The following KIF5B variants were observed in gnomAD, a reference collection of about 807,000 sequenced individuals.
KIF5B encodes the protein kinesin family member 5B.
A neutral mutation model predicts 132.8 loss-of-function variants in KIF5B; 49 were observed. The ratio of observed to expected loss-of-function variants is 0.37; its 90% CI spans 0.29 to 0.47. The LOEUF (loss-of-function observed/expected upper bound fraction) is 0.47, where lower values mean the gene tolerates loss of function less well. Among genes scored for constraint, KIF5B ranks in the 20% least tolerant of loss-of-function variants. The probability of loss-of-function intolerance (pLI) is 1.00; values close to 1 mark genes in which losing one functional copy is unlikely to be tolerated. For missense variants in KIF5B, 780 were observed against 1,144.0 expected (o/e 0.68, Z 4.59); for synonymous variants, 355 against 369.4 (o/e 0.96, Z 0.45).
chr10:32,055,662 G>A (rs187517992), intron 1 of KIF5B, among the ~76,000 whole-genome samples, 186 bp downstream of exon 1: 1 of 152,288 alleles, frequency 6.6e-6, no homozygotes, highest in African/African-American at 2.4e-5. Flanking sequence ...GGGTGGGGGC[G>A]ATCCAGGAAC....
chr10:32,042,419 C>A (rs1206322808), intron 2 of KIF5B, among the ~76,000 whole-genome samples: 1 of 152,186 alleles, frequency 6.6e-6, no homozygotes, highest in African/African-American at 2.4e-5. Flanking sequence ...CCCAATTCCA[C>A]AACGCACCCC....
chr10:32,044,009 T>C (rs756783965), intron 2 of KIF5B, among the ~76,000 whole-genome samples: 1 of 152,174 alleles, frequency 6.6e-6, no homozygotes, highest in Non-Finnish European at 1.5e-5. Flanking sequence ...TGTATTTAAT[T>C]GCTTTCCTGT....
chr10:32,053,757 A>C (rs1841721659), intron 1 of KIF5B, among the ~76,000 whole-genome samples: 1 of 151,974 alleles, frequency 6.6e-6, no homozygotes, highest in Non-Finnish European at 1.5e-5. Context: ...TCAAAAAAAC[A>C]ACCAACCAAC....
At chr10:32,055,717 G>A (rs376394319) in intron 1 of KIF5B, 131 bp downstream of exon 1, 5 of 1,287,780 alleles carry the variant, frequency 3.9e-6, no homozygotes, top group East Asian at 2.6e-5. Flanking sequence ...TATCTGAACC[G>A]GCAAACCCCG....
intron 2 of KIF5B, 103 bp from the exon 3 acceptor site, chr10:32,040,560 A>G: frequency 2.9e-6 from 2 of 686,458 alleles, no homozygotes; most frequent in East Asian, 2.6e-5. Flanking sequence ...AGGTTAAAAA[A>G]AAAATTACTT....
intron 1 of KIF5B, among the ~76,000 whole-genome samples, chr10:32,054,673 G>GTA (rs1289477305): frequency 5.9e-5 from 9 of 152,112 alleles, no homozygotes; most frequent in Non-Finnish European, 1.3e-4. Context: ...TTCATACCAT[G>GTA]GTAACAATGT....
rs948545622 is a variant in KIF5B, at chr10:32,034,693, T to C, written c.1108A>G (p.Asn370Asp). Residue 370 changes from asparagine (N) to aspartate (D), a missense_variant, in exon 11 of 26, where the codon AAT becomes GAT. Transcript: ENST00000302418. Reference sequence around the variant, plus strand: ...TGACAAATTCTTAAGTTATTACCATTACGCCATCTGTTGAGCTCATTTTCA... The same window carrying C: ...TGACAAATTCTTAAGTTATTACCATCACGCCATCTGTTGAGCTCATTTTCA... ...WLENELNRWR[N>D]GETVPIDEQF... The C allele has an allele frequency of 1.9e-6, 3 of 1,581,400 alleles. No homozygotes were observed. The highest frequency in any genetic ancestry group is 1.9e-5 in the Admixed American group (1 of 52,744).
rs747761269 is a variant in KIF5B at position 32,034,872 on chromosome 10, G to T, written c.963-34C>A. ...TGTAATTGGAGGAAAAAAAGGATGA[G>T]ACTGAAATTATTTTTAATTTTATCT... On this transcript the variant is annotated intron_variant, in intron 10 of 25. Coordinates refer to ENST00000302418, the MANE Select transcript of KIF5B (RefSeq NM_004521.3). 4.6e-6 allele frequency: 7 copies of T among 1,511,698 alleles called. No individual in the cohort carries two copies. The African/African-American group carries it at 1.0e-4, about 22-fold the overall frequency. 93.6% of individuals were successfully genotyped at this position (1,511,698 alleles called of 1,614,324 possible).
chr10:32,023,913 G>T (rs1014200513), intron 15 of KIF5B, among the ~76,000 whole-genome samples: 5 of 151,684 alleles, frequency 3.3e-5, no homozygotes, highest in African/African-American at 4.8e-5. Context: ...TTTAACACAG[G>T]AGAAAATCTA....
chr10:32,024,422 G>A (rs1485385889), intron 15 of KIF5B, among the ~76,000 whole-genome samples: 1 of 148,802 alleles, frequency 6.7e-6, no homozygotes, highest in Non-Finnish European at 1.5e-5. Flanking sequence ...CCAAAGTGCT[G>A]GGATTACAGG....
chr10:32,037,368 T>G lies in KIF5B; in HGVS notation c.597A>C (p.Glu199Asp), dbSNP rs1166259922. The change falls in exon 8 of 26, where the codon GAA (glutamate) becomes GAC (aspartate). Residue 199 changes from glutamate to aspartate, a missense_variant. By Grantham distance (45) the Glu-to-Asp change is conservative (BLOSUM62 2). This residue lies in a region of KIF5B where 76 missense variants were observed against 146.4 expected (regional missense o/e 0.52). Transcript: ENST00000302418. ...NRHVAVTNMN[E>D]HSSRSHSIFL... ...ATATACTGTGACTCCTAGAGCTATGTTCATTCATATCTGCAAGGAAATTAC... is the reference window on the plus strand; with the variant it reads ...ATATACTGTGACTCCTAGAGCTATGGTCATTCATATCTGCAAGGAAATTAC... 1.2e-6 allele frequency: 2 copies of G among 1,611,412 alleles called. No homozygotes were observed. Among genetic ancestry groups the G allele is most frequent in the Non-Finnish European group, 1.7e-6 (2 of 1,179,076 alleles).
intron 8 of KIF5B, 34 bp downstream of exon 8, chr10:32,037,220 C>T (rs761512522): frequency 1.3e-6 from 2 of 1,593,728 alleles, no homozygotes; most frequent in South Asian, 1.1e-5. Context: ...TACAAAGATG[C>T]TTAAATATTT....
At chr10:32,043,763 C>T (rs1001366652) in intron 2 of KIF5B, among the ~76,000 whole-genome samples, 2 of 152,130 alleles carry the variant, frequency 1.3e-5, no homozygotes, top group Admixed American at 1.3e-4. Context: ...TACATAAAAT[C>T]AAGTTATAAA....
chr10:32,036,136 AT>A (rs770757990), intron 8 of KIF5B, 142 bp from the exon 9 acceptor site: 7 of 514,134 alleles, frequency 1.4e-5, no homozygotes, highest in Non-Finnish European at 2.3e-5. Flanking sequence ...TTTGCCAAGC[AT>A]ACCACCATTT....
chr10:32,034,111 ATTTTT>A, intron 11 of KIF5B, 73 bp from the exon 12 acceptor site: 3 of 695,656 alleles, frequency 4.3e-6, no homozygotes, highest in East Asian at 3.4e-5. Context: ...TCCTTTAAAA[ATTTTT>A]TTTTTTTTTT....
Position 32,048,462 on chromosome 10 carries a change from AC to A in KIF5B, c.214+1del. ...ACAACTCAGCAGGTTGAATATATTT[AC>A]CTTTAACAATCTTCTTTGCACAGTC... On this transcript the variant is annotated splice_donor_variant, in intron 2 of 25. Transcript: ENST00000302418. LOFTEE classifies it high-confidence loss of function. The A allele has an allele frequency of 6.3e-7, 1 of 1,597,668 alleles. No individual in the cohort carries two copies. The highest frequency in any genetic ancestry group is 1.1e-5 in the South Asian group (1 of 89,246).
At chr10:32,046,818 T>G (rs1032895408) in intron 2 of KIF5B, among the ~76,000 whole-genome samples, 4 of 152,212 alleles carry the variant, frequency 2.6e-5, no homozygotes, top group Non-Finnish European at 5.9e-5. Context: ...CAAGTAGAGA[T>G]ACTAATCAAC....
At chr10:32,028,342 G>A (rs933833045) in intron 15 of KIF5B, 86 bp downstream of exon 15, 18 of 1,082,290 alleles carry the variant, frequency 1.7e-5, no homozygotes, top group Middle Eastern at 2.1e-4. Flanking sequence ...TCATGAATAC[G>A]AAAAGAACTT....
intron 8 of KIF5B, among the ~76,000 whole-genome samples, chr10:32,036,286 C>G (rs1000896961): frequency 6.6e-6 from 1 of 152,184 alleles, no homozygotes; most frequent in Non-Finnish European, 1.5e-5. Flanking sequence ...CATTAGAAAA[C>G]AGGAACCTTC....
Sources: gnomAD v4.1 joint callset for allele counts (sites outside exome capture counted in the v4.1 genomes callset) on GRCh38, gnomAD v4.1.1 for gene constraint, gnomAD v4.1.1 regional missense constraint, MANE v1.5 for transcripts, NCBI Gene and HGNC (gene_info 2026-07-23, HGNC 2026-07-21) for gene names.